Variants in SETX observed in about 807,000 individuals in gnomAD.
SETX encodes the protein senataxin, also known as helicase senataxin.
SETX carries 90 observed loss-of-function variants against 227.2 expected under a neutral mutation model. The observed-to-expected ratio is 0.40, with a 90% confidence interval of 0.33 to 0.47. SETX has a LOEUF of 0.47. Ranked by LOEUF, SETX falls within the 20% of genes least tolerant of loss-of-function variation. The pLI, the probability that SETX is intolerant of heterozygous loss-of-function variation, is 0.91. For missense variants in SETX, 3,052 were observed against 3,181.5 expected (o/e 0.96, Z 0.98); for synonymous variants, 1,210 against 1,113.2 (o/e 1.09, Z -1.73).
Position 132,263,920 on chromosome 9 carries a change from G to A in SETX, c.*319C>T, listed in dbSNP as rs1056912. Reference sequence around the variant, plus strand: ...AAATTTTAAAAGGATTTTGTTATTTGCTATACAAATATACATTTCAACTTT... The same window carrying A: ...AAATTTTAAAAGGATTTTGTTATTTACTATACAAATATACATTTCAACTTT... On this transcript the variant is annotated 3_prime_UTR_variant, in exon 26 of 26. Transcript: ENST00000224140. The A allele has an allele frequency of 6.1e-3, 1,910 of 312,150 alleles. 9 individuals carry two copies. The highest frequency in any genetic ancestry group is 8.3e-3 in the South Asian group (183 of 22,136). 19.3% of individuals were successfully genotyped at this position (312,150 alleles called of 1,614,324 possible). A position where few individuals can be genotyped will look rare whatever the true frequency, so the allele number is the denominator to read the frequency against.
chr9:132,296,643 G>A (rs1364135103), intron 14 of SETX, among the ~76,000 whole-genome samples: 3 of 151,720 alleles, frequency 2.0e-5, no homozygotes, highest in Non-Finnish European at 4.4e-5. Flanking sequence ...CGTGAAGCCT[G>A]AAGACCATCA....
At position 132,330,517 on chromosome 9, in the gene SETX, C is replaced by G; in HGVS notation, c.1099-18G>C. ...CCAGAATCCTAAAATGAAAGAAATG[C>G]TGATGTTCAGATAAATAAGCACCAC... On this transcript the variant is annotated intron_variant, in intron 9 of 25. Transcript: ENST00000224140. The G allele has an allele frequency of 6.2e-7, 1 of 1,604,594 alleles. No homozygotes were observed. The highest frequency in any genetic ancestry group is 8.5e-7 in the Non-Finnish European group (1 of 1,175,814).
chr9:132,277,061 C>A lies in SETX; in HGVS notation c.6934G>T (p.Asp2312Tyr). 1 of 1,612,660 alleles carries A rather than the reference C, an allele frequency of 6.2e-7. No individual in the cohort carries two copies. The highest frequency in any genetic ancestry group is 8.5e-7 in the Non-Finnish European group (1 of 1,178,848). The change falls in exon 22 of 26, where the codon GAC becomes TAC. Residue 2312 changes from aspartate to tyrosine, a missense_variant and splice_region_variant. Asp to Tyr is a radical substitution (Grantham distance 160, BLOSUM62 -3). Around this residue, in one of 10 missense-constraint regions of SETX, gnomAD observed 412 missense variants for 589.0 expected, o/e 0.70. Coordinates refer to ENST00000224140, the MANE Select transcript of SETX (RefSeq NM_015046.7). Reference protein sequence around the residue: ...VGDGSERRDNDSYINVQEIKL... With the variant: ...VGDGSERRDNYSYINVQEIKL... ...GACTGAGGCAAGAGGAAAACATACTCATTATCCCGTCTTTCTGAACCATCT... is the reference window on the plus strand; with the variant it reads ...GACTGAGGCAAGAGGAAAACATACTAATTATCCCGTCTTTCTGAACCATCT...
chr9:132,354,686 G>A (rs936730543), intron 1 of SETX, among the ~76,000 whole-genome samples: 5 of 151,842 alleles, frequency 3.3e-5, no homozygotes, highest in African/African-American at 9.7e-5. Flanking sequence ...AGGACAGGGG[G>A]TCGCAGCGGC....
intron 12 of SETX, among the ~76,000 whole-genome samples, chr9:132,299,146 G>A (rs1844845422): frequency 6.6e-6 from 1 of 152,206 alleles, no homozygotes; most frequent in African/African-American, 2.4e-5. Context: ...TAGAAGTGAG[G>A]TGTGAGAGAA....
intron 25 of SETX, among the ~76,000 whole-genome samples, chr9:132,267,134 T>C (rs1160075384): frequency 1.3e-5 from 2 of 152,232 alleles, no homozygotes; most frequent in Non-Finnish European, 1.5e-5. Flanking sequence ...GTGTATATTA[T>C]AATGAATGGT....
At chr9:132,274,134 C>T (rs1338188509) in intron 23 of SETX, among the ~76,000 whole-genome samples, 1 of 152,022 alleles carries the variant, frequency 6.6e-6, no homozygotes, top group African/African-American at 2.4e-5. Flanking sequence ...CCCACTTGGT[C>T]TTGATGTATA....
chr9:132,353,823 G>A (rs976708442), intron 1 of SETX, 68 bp from the exon 2 acceptor site: 1 of 152,184 alleles, frequency 6.6e-6, no homozygotes, highest in African/African-American at 2.4e-5. Context: ...TCTGAGCCTG[G>A]TATCGATCCT....
chr9:132,343,595 G>A (rs985317555), intron 4 of SETX, among the ~76,000 whole-genome samples: 5 of 152,060 alleles, frequency 3.3e-5, no homozygotes, highest in South Asian at 2.1e-4. Context: ...AAATATTGTC[G>A]TTTTTTCATA....
At chr9:132,315,470 T>G (rs1383600377) in intron 10 of SETX, among the ~76,000 whole-genome samples, 1 of 152,212 alleles carries the variant, frequency 6.6e-6, no homozygotes, top group African/African-American at 2.4e-5. Flanking sequence ...ATCCATTTTC[T>G]TGCATCAATT....
At chr9:132,286,672 C>T (rs549709231) in intron 17 of SETX, among the ~76,000 whole-genome samples, 178 bp from the exon 18 acceptor site, 1 of 152,336 alleles carries the variant, frequency 6.6e-6, no homozygotes, top group East Asian at 1.9e-4. Context: ...CTGCGTAAGA[C>T]TCAGCTGTGT....
chr9:132,308,069 A>G (rs1241009219), intron 11 of SETX, among the ~76,000 whole-genome samples: 1 of 152,220 alleles, frequency 6.6e-6, no homozygotes, highest in East Asian at 1.9e-4. Flanking sequence ...TGAGTAACCA[A>G]ATAGTAGTAG....
intron 18 of SETX, among the ~76,000 whole-genome samples, chr9:132,284,791 G>A (rs191476689): frequency 6.6e-6 from 1 of 151,842 alleles, no homozygotes; most frequent in African/African-American, 2.4e-5. Context: ...TGGAGCTCTG[G>A]AGGGCTCACA....
At chr9:132,314,217 C>T (rs1413051925) in intron 10 of SETX, among the ~76,000 whole-genome samples, 2 of 152,168 alleles carry the variant, frequency 1.3e-5, no homozygotes, top group East Asian at 1.9e-4. Context: ...CTCAGCCTCC[C>T]AAGTAGCTGG....
Position 132,329,876 on chromosome 9 carries a change from C to A in SETX, c.1722G>T (p.Trp574Cys). The A allele has an allele frequency of 2.5e-6, 4 of 1,614,082 alleles. No homozygotes were observed. The highest frequency in any genetic ancestry group is 3.4e-6 in the Non-Finnish European group (4 of 1,180,018). Residue 574 changes from tryptophan (W) to cysteine (C), a missense_variant, in exon 10 of 26, where the codon TGG (tryptophan) becomes TGT (cysteine). Coordinates refer to ENST00000224140, the MANE Select transcript of SETX (RefSeq NM_015046.7). The part of the protein sequence containing the change: ...LFLRGNLSLG[W>C]QLTSQETHEL... Reference sequence around the variant, plus strand: ...CATGGGTTTCCTGACTAGTCAACTGCCAACCTAGAGATAAATTTCCTCTAA... The same window carrying A: ...CATGGGTTTCCTGACTAGTCAACTGACAACCTAGAGATAAATTTCCTCTAA...
At chr9:132,336,557 G>T in intron 5 of SETX, 42 bp from the exon 6 acceptor site, 1 of 1,385,502 alleles carries the variant, frequency 7.2e-7, no homozygotes, top group Non-Finnish European at 1.0e-6. Flanking sequence ...AATAAACAAT[G>T]GTCTACAAAC....
At chr9:132,313,611 G>C (rs1240928263) in intron 10 of SETX, among the ~76,000 whole-genome samples, 1 of 152,154 alleles carries the variant, frequency 6.6e-6, no homozygotes, top group Non-Finnish European at 1.5e-5. Flanking sequence ...AGGTTTATCT[G>C]TTTCATAACT....
chr9:132,349,568 G>A, intron 2 of SETX, 133 bp from the exon 3 acceptor site: 1 of 854,390 alleles, frequency 1.2e-6, no homozygotes, highest in African/African-American at 1.7e-5. Context: ...TCTTCTGCTG[G>A]CTGGCTTATC....
At position 132,329,360 on chromosome 9, in the gene SETX, C is replaced by T. The variant is rs1847071162; in HGVS notation, c.2238G>A (p.Leu746=). The change falls in exon 10 of 26, where the codon TTG becomes TTA. Residue 746 remains leucine (L), a synonymous_variant. Coordinates refer to ENST00000224140, the MANE Select transcript of SETX (RefSeq NM_015046.7). ...AAGCATCAGTGCTAGAATCAGTCAA[C>T]AAACGTGTTGATACTATTATTCCTC... ...CDRGIIVSTR[L]LTDSSTDALE... 1 of 1,613,904 alleles carries T rather than the reference C, an allele frequency of 6.2e-7. No individual in the cohort carries two copies. Among genetic ancestry groups the T allele is most frequent in the Admixed American group, 1.7e-5 (1 of 59,996 alleles).
Sources: gnomAD v4.1 joint callset for allele counts (sites outside exome capture counted in the v4.1 genomes callset) on GRCh38, gnomAD v4.1.1 for gene constraint, gnomAD v4.1.1 regional missense constraint, MANE v1.5 for transcripts, NCBI Gene and HGNC (gene_info 2026-07-23, HGNC 2026-07-21) for gene names.